Variants in MOCOS observed in about 807,000 individuals in gnomAD.
MOCOS encodes human molybdenum cofactor sulfurase.
A neutral mutation model predicts 83.6 loss-of-function variants in MOCOS; 86 were observed. The observed-to-expected ratio is 1.03, with a 90% CI of 0.86 to 1.23. The LOEUF is 1.23. Ranked by LOEUF, MOCOS falls within the 50% of genes most tolerant of loss-of-function variation. The probability of loss-of-function intolerance (pLI) is 0.00; values close to 1 mark genes in which losing one functional copy is unlikely to be tolerated. For synonymous variants in MOCOS, 445 were observed against 434.7 expected (o/e 1.02, Z -0.29); for missense variants, 1,120 against 1,126.9 (o/e 0.99, Z 0.09).
intron 3 of MOCOS, among the ~76,000 whole-genome samples, 172 bp from the exon 4 acceptor site, chr18:36,199,511 A>T (rs890439915): frequency 3.9e-5 from 6 of 152,258 alleles, no homozygotes; most frequent in African/African-American, 1.4e-4. Flanking sequence ...GATTTTGCCA[A>T]CTGGAACTCG....
At chr18:36,192,425 A>G (rs987133800) in intron 1 of MOCOS, among the ~76,000 whole-genome samples, 2 of 152,250 alleles carry the variant, frequency 1.3e-5, no homozygotes, top group Non-Finnish European at 2.9e-5. Flanking sequence ...TGAAAATTGT[A>G]AAACATCATT....
chr18:36,251,017 A>G lies in MOCOS; in HGVS notation c.2040-142A>G. Reference sequence around the variant, plus strand: ...CGTCCTGCCTTGGAAATCTCCTTGCAGCATCTGTCACTTCAGGCTGCCTTC... The same window carrying G: ...CGTCCTGCCTTGGAAATCTCCTTGCGGCATCTGTCACTTCAGGCTGCCTTC... On this transcript the variant is annotated intron_variant, in intron 10 of 14. Transcript: ENST00000261326. 3 of 1,016,938 alleles carry G rather than the reference A, an allele frequency of 3.0e-6. No individual in the cohort carries two copies. In the East Asian group the frequency reaches 7.9e-5, roughly 27 times the overall value. The allele number at this position is 1,016,938 out of a possible 1,614,324, so 63.0% of individuals were successfully genotyped here. A position where few individuals can be genotyped will look rare whatever the true frequency, so the allele number is the denominator to read the frequency against.
intron 4 of MOCOS, 94 bp downstream of exon 4, chr18:36,200,418 T>C (rs2091408969): frequency 6.7e-7 from 1 of 1,492,480 alleles, no homozygotes; most frequent in South Asian, 1.2e-5. Flanking sequence ...GGGTCTGGCT[T>C]TGAGGGTCAG....
rs73946799 is a variant in MOCOS at position 36,251,567 on chromosome 18, T to C, written c.2164+284T>C. On this transcript the variant is annotated intron_variant, in intron 11 of 14. Coordinates refer to ENST00000261326, the MANE Select transcript of MOCOS (RefSeq NM_017947.4). ...TTCAAAAGCATAATTAATCCAATTG[T>C]ATTAAATAAAAACCCTAATAGCTTG... is the stretch of plus-strand genomic sequence containing the variant. Among the ~76,000 whole-genome samples the C allele has an allele frequency of 0.016, 2,454 of 152,266 alleles. 61 individuals are homozygous for C. Among genetic ancestry groups the C allele is most frequent in the African/African-American group, 0.056 (2,328 of 41,530 alleles).
intron 6 of MOCOS, among the ~76,000 whole-genome samples, chr18:36,212,434 T>C (rs2091458802): frequency 1.3e-5 from 2 of 152,110 alleles, no homozygotes; most frequent in African/African-American, 4.8e-5. Flanking sequence ...ACGGGAAACC[T>C]GACCTGGAGA....
intron 8 of MOCOS, 21 bp downstream of exon 8, chr18:36,215,998 A>T (rs1271119901): frequency 3.1e-6 from 5 of 1,597,894 alleles, no homozygotes; most frequent in Non-Finnish European, 3.4e-6. Flanking sequence ...TCACAGCAGC[A>T]CAGAAAGTCT....
chr18:36,213,370 A>G lies in MOCOS; in HGVS notation c.1223A>G (p.Asp408Gly). The G allele has an allele frequency of 3.7e-6, 6 of 1,613,976 alleles. No homozygotes were observed. Among genetic ancestry groups the G allele is most frequent in the East Asian group, 2.2e-5 (1 of 44,882 alleles). Residue 408 changes from aspartate (D) to glycine (G), a missense_variant, in exon 7 of 15, where the codon GAC (aspartate) becomes GGC (glycine). By Grantham distance (94) the Asp-to-Gly change is moderately conservative. Coordinates refer to ENST00000261326, the MANE Select transcript of MOCOS (RefSeq NM_017947.4). ...KGNIIGYSQVDKMASLYNIHL... is the reference protein window; with the variant it reads ...KGNIIGYSQVGKMASLYNIHL... The stretch of plus-strand genomic sequence containing the variant: ...CATGTTACATTAAATCCGCAGGTGG[A>G]CAAAATGGCCAGTCTTTACAACATC...
At chr18:36,266,293 G>A (rs993399206) in intron 13 of MOCOS, among the ~76,000 whole-genome samples, 5 of 152,006 alleles carry the variant, frequency 3.3e-5, no homozygotes, top group African/African-American at 7.3e-5. Flanking sequence ...GCATCACCAC[G>A]CCTGGGTAAT....
chr18:36,211,040 G>A (rs569156292), intron 6 of MOCOS, among the ~76,000 whole-genome samples: 24 of 151,912 alleles, frequency 1.6e-4, no homozygotes, highest in African/African-American at 5.8e-4. Flanking sequence ...TGCCTTGGTA[G>A]AGGAAGCTCA....
At chr18:36,228,030 A>G (rs2091524252) in intron 9 of MOCOS, among the ~76,000 whole-genome samples, 1 of 152,244 alleles carries the variant, frequency 6.6e-6, no homozygotes, top group African/African-American at 2.4e-5. Context: ...ACATGAGCAA[A>G]CACTTTTCAA....
intron 11 of MOCOS, among the ~76,000 whole-genome samples, chr18:36,254,546 C>T (rs934207063): frequency 6.9e-6 from 1 of 145,682 alleles, no homozygotes; most frequent in African/African-American, 2.6e-5. Context: ...AACAAACTGT[C>T]CTTTAATAGT....
At chr18:36,191,207 A>T (rs1029720937) in intron 1 of MOCOS, among the ~76,000 whole-genome samples, 1 of 151,900 alleles carries the variant, frequency 6.6e-6, no homozygotes, top group African/African-American at 2.4e-5. Flanking sequence ...TGCAACTGTG[A>T]GTCAATTAAA....
At chr18:36,237,796 GCCA>G (rs1397586383) in intron 9 of MOCOS, among the ~76,000 whole-genome samples, 5 of 150,610 alleles carry the variant, frequency 3.3e-5, no homozygotes, top group Admixed American at 2.0e-4. Context: ...ATTGATTATT[GCCA>G]CAATTTCAGC....
chr18:36,199,587 G>A, intron 3 of MOCOS, 96 bp from the exon 4 acceptor site: 1 of 1,573,080 alleles, frequency 6.4e-7, no homozygotes, highest in Non-Finnish European at 8.7e-7. Context: ...ATCCATTAAG[G>A]TAGAGATGTC....
intron 13 of MOCOS, among the ~76,000 whole-genome samples, chr18:36,266,404 G>T (rs1269414849): frequency 6.6e-6 from 1 of 152,028 alleles, no homozygotes; most frequent in Admixed American, 6.6e-5. Context: ...CCGAAGTGTT[G>T]GGATTACAGG....
chr18:36,233,951 G>A lies in MOCOS; in HGVS notation c.1960+13734G>A, dbSNP rs1020599182. 7.2e-5 allele frequency among the ~76,000 whole-genome samples: 11 copies of A among 152,196 alleles called. No individual in the cohort carries two copies. The East Asian group carries it at 1.7e-3, about 24-fold the overall frequency. On this transcript the variant is annotated intron_variant, in intron 9 of 14. Coordinates refer to ENST00000261326, the MANE Select transcript of MOCOS (RefSeq NM_017947.4). ...TGGATATTAGTCCTTCGTCAGATGCGTGGTTTGCAAATATTCTCTCTCACT... is the reference window on the plus strand; with the variant it reads ...TGGATATTAGTCCTTCGTCAGATGCATGGTTTGCAAATATTCTCTCTCACT...
At chr18:36,213,779 A>G (rs921988922) in intron 7 of MOCOS, among the ~76,000 whole-genome samples, 1 of 150,422 alleles carries the variant, frequency 6.6e-6, no homozygotes, top group Non-Finnish European at 1.5e-5. Context: ...AGATGCAAAA[A>G]TTAGCCAGGC....
Position 36,248,949 on chromosome 18 carries a change from A to G in MOCOS, c.1988A>G (p.Glu663Gly), listed in dbSNP as rs773931273. ...KGMEPIEVPL[E>G]ENSERTQIRQ... Reference sequence around the variant, plus strand: ...ATGGAGCCTATAGAGGTGCCTCTTGAGGAAAATAGTGAACGGACTCAGATT... The same window carrying G: ...ATGGAGCCTATAGAGGTGCCTCTTGGGGAAAATAGTGAACGGACTCAGATT... Residue 663 changes from glutamate (E) to glycine (G), a missense_variant, in exon 10 of 15, where the codon GAG becomes GGG. Transcript: ENST00000261326. 3 of 1,614,114 alleles carry G rather than the reference A, an allele frequency of 1.9e-6. No homozygotes were observed. The highest frequency in any genetic ancestry group is 2.5e-6 in the Non-Finnish European group (3 of 1,180,020).
intron 9 of MOCOS, among the ~76,000 whole-genome samples, chr18:36,237,366 C>T (rs2091563325): frequency 6.6e-6 from 1 of 151,854 alleles, no homozygotes; most frequent in Non-Finnish European, 1.5e-5. Flanking sequence ...TGTCAAAGGC[C>T]TTTTCTGCAT....
Sources: gnomAD v4.1 joint callset for allele counts (sites outside exome capture counted in the v4.1 genomes callset) on GRCh38, gnomAD v4.1.1 for gene constraint, MANE v1.5 for transcripts, NCBI Gene and HGNC (gene_info 2026-07-23, HGNC 2026-07-21) for gene names.